Variants in P2RY12 observed in about 807,000 individuals in gnomAD.
The protein encoded by P2RY12 is purinergic receptor P2Y12, also known as P2Y purinoceptor 12.
Under a neutral mutation model 4.5 loss-of-function variants are expected in P2RY12, and 3 were observed. That is an observed-to-expected ratio of 0.67 (90% CI 0.31 to 1.74). The LOEUF is 1.74. Among genes scored for constraint, P2RY12 ranks in the 40% most tolerant of loss-of-function variants. The pLI, the probability that P2RY12 is intolerant of heterozygous loss-of-function variation, is 0.09. For synonymous variants in P2RY12, 148 were observed against 154.1 expected (o/e 0.96, Z 0.29); for missense variants, 356 against 407.8 (o/e 0.87, Z 1.09).
At chr3:151,349,712 T>C (rs889154979) in intron 1 of P2RY12, among the ~76,000 whole-genome samples, 2 of 152,192 alleles carry the variant, frequency 1.3e-5, no homozygotes, top group Non-Finnish European at 2.9e-5. Context: ...GGGAAAAATA[T>C]GACTAGACAA....
At chr3:151,384,610 T>A (rs1713002389) in intron 1 of P2RY12, 82 bp downstream of exon 1, 10 of 187,136 alleles carry the variant, frequency 5.3e-5, no homozygotes, top group Middle Eastern at 2.3e-3. Context: ...CAGACTCCTT[T>A]AAAAAAAAAT....
At chr3:151,381,402 G>A (rs1712313442) in intron 1 of P2RY12, among the ~76,000 whole-genome samples, 1 of 152,188 alleles carries the variant, frequency 6.6e-6, no homozygotes, top group Non-Finnish European at 1.5e-5. Flanking sequence ...GATAAGGCCA[G>A]ACATGATTTG....
At chr3:151,375,754 C>T (rs1756771801) in intron 1 of P2RY12, among the ~76,000 whole-genome samples, 1 of 152,032 alleles carries the variant, frequency 6.6e-6, no homozygotes, top group Non-Finnish European at 1.5e-5. Context: ...CCTTACTTTC[C>T]AGTTAAAAAC....
At chr3:151,383,710 AAC>A in intron 1 of P2RY12, 1 of 941,020 alleles carries the variant, frequency 1.1e-6, no homozygotes. Context: ...AAAATTTGAT[AAC>A]ATAAAGCAAT....
intron 1 of P2RY12, chr3:151,380,322 TGTG>T (rs1712026922): frequency 1.2e-6 from 1 of 801,670 alleles, no homozygotes; most frequent in African/African-American, 1.8e-5. Context: ...AAGGGCCAGG[TGTG>T]GTGGCTCATG....
At chr3:151,339,431 TAAAA>T (rs3975402) in intron 2 of P2RY12, among the ~76,000 whole-genome samples, 1 of 145,818 alleles carries the variant, frequency 6.9e-6, no homozygotes, top group African/African-American at 2.5e-5. Flanking sequence ...ACTGAATCAG[TAAAA>T]AAAAAAAAAG....
At chr3:151,343,164 T>C (rs906206564) in intron 1 of P2RY12, among the ~76,000 whole-genome samples, 1 of 152,150 alleles carries the variant, frequency 6.6e-6, no homozygotes, top group Non-Finnish European at 1.5e-5. Context: ...AGGACCATAC[T>C]CTCCTTTACA....
At chr3:151,368,624 TA>T (rs1289148677) in intron 1 of P2RY12, among the ~76,000 whole-genome samples, 1 of 85,512 alleles carries the variant, frequency 1.2e-5, no homozygotes, top group Non-Finnish European at 2.2e-5. Context: ...TATTTTATTT[TA>T]TTTTATTTCA....
chr3:151,338,428 C>G lies in P2RY12; in HGVS notation c.418G>C (p.Gly140Arg). ...ATGACAACAGAGAGAATCTTAGCCC[C>G]CAAGAGATTTTTGGGGTTGGATGTT... ...FKTSNPKNLL[G>R]AKILSVVIWA... The change falls in exon 3 of 3, where the codon GGG becomes CGG. Residue 140 changes from glycine (G) to arginine (R), a missense_variant. Coordinates refer to ENST00000302632, the MANE Select transcript of P2RY12 (RefSeq NM_022788.5). The G allele has an allele frequency of 6.2e-7, 1 of 1,613,992 alleles. No individual in the cohort carries two copies. The highest frequency in any genetic ancestry group is 1.1e-5 in the South Asian group (1 of 91,066).
intron 1 of P2RY12, chr3:151,376,365 A>G (rs1756855063): frequency 1.6e-6 from 1 of 611,394 alleles, no homozygotes; most frequent in South Asian, 3.6e-5. Flanking sequence ...GACATACTTT[A>G]TTTTTGGGTG....
chr3:151,384,248 C>T, intron 1 of P2RY12: 1 of 1,567,274 alleles, frequency 6.4e-7, no homozygotes, highest in Non-Finnish European at 8.6e-7. Context: ...GTATTATGAG[C>T]TCAAGTTGTT....
chr3:151,371,884 A>G (rs1194027535), intron 1 of P2RY12, among the ~76,000 whole-genome samples: 3 of 152,330 alleles, frequency 2.0e-5, no homozygotes, highest in South Asian at 2.1e-4. Flanking sequence ...TTTCTTTCCC[A>G]GAACTTTGTT....
intron 1 of P2RY12, chr3:151,355,211 A>T (rs768529548): frequency 6.2e-7 from 1 of 1,613,170 alleles, no homozygotes; most frequent in Non-Finnish European, 8.5e-7. Flanking sequence ...CTCCTTTCAT[A>T]TTTTGATCAA....
At chr3:151,346,921 T>A (rs531460577) in intron 1 of P2RY12, among the ~76,000 whole-genome samples, 2 of 152,302 alleles carry the variant, frequency 1.3e-5, no homozygotes, top group African/African-American at 4.8e-5. Flanking sequence ...AATGTATTAA[T>A]TTTTTATACA....
In P2RY12 at chr3:151,338,417, A is replaced by C; in HGVS notation, c.429T>G (p.Ile143Met). Residue 143 changes from isoleucine to methionine, a missense_variant, in exon 3 of 3, where the codon ATT (isoleucine) becomes ATG (methionine). Ile to Met is a conservative substitution (Grantham distance 10). Transcript: ENST00000302632. The stretch of plus-strand genomic sequence containing the variant: ...TGAATGCCCAGATGACAACAGAGAG[A>C]ATCTTAGCCCCCAAGAGATTTTTGG... ...SNPKNLLGAK[I>M]LSVVIWAFMF... 6.2e-7 allele frequency: 1 copy of C among 1,614,086 alleles called. No individual in the cohort carries two copies. The highest frequency in any genetic ancestry group is 1.1e-5 in the South Asian group (1 of 91,078).
At chr3:151,351,249 G>A (rs147605994) in intron 1 of P2RY12, among the ~76,000 whole-genome samples, 121 of 152,198 alleles carry the variant, frequency 8.0e-4, no homozygotes, top group African/African-American at 2.0e-3. Context: ...CTTTCTTCCC[G>A]GTCAATCATG....
At position 151,350,272 on chromosome 3, in the gene P2RY12, TATC is replaced by T. The variant is rs2150019373; in HGVS notation, c.-179-9515_-179-9513del. On this transcript the variant is annotated intron_variant, in intron 1 of 2. Transcript: ENST00000302632. ...TTGCCTTCCCTCTGAGCACAGTCTT[TATC>T]AAAGTGTTCTATGTCACTGTCAACA... The T allele has an allele frequency of 1.3e-6, 2 of 1,517,912 alleles. 1 individual carries two copies. Among genetic ancestry groups the T allele is most frequent in the South Asian group, 2.4e-5 (2 of 84,040 alleles). 94.0% of individuals were successfully genotyped at this position (1,517,912 alleles called of 1,614,324 possible).
chr3:151,365,958 G>A (rs2107922799), intron 1 of P2RY12: 1 of 1,612,716 alleles, frequency 6.2e-7, no homozygotes, highest in Non-Finnish European at 8.5e-7. Flanking sequence ...CAAATCACGT[G>A]TGGGGGTTTA....
At chr3:151,350,328 A>C in intron 1 of P2RY12, 80 of 850,446 alleles carry the variant, frequency 9.4e-5, no homozygotes, top group Non-Finnish European at 1.3e-4. Flanking sequence ...AATGACTCTC[A>C]CATTGAAATG....
Sources: gnomAD v4.1 joint callset for allele counts (sites outside exome capture counted in the v4.1 genomes callset) on GRCh38, gnomAD v4.1.1 for gene constraint, MANE v1.5 for transcripts, NCBI Gene and HGNC (gene_info 2026-07-23, HGNC 2026-07-21) for gene names.